CTTNBP2NL: variants seen among roughly 807,000 people sequenced by gnomAD.
CTTNBP2NL encodes the protein CTTNBP2 N-terminal like, also known as CTTNBP2 N-terminal-like protein.
A neutral mutation model predicts 32.5 loss-of-function variants in CTTNBP2NL; 16 were observed. The observed-to-expected ratio is 0.49, with a 90% CI of 0.33 to 0.75. The LOEUF is 0.75. Among genes scored for constraint, CTTNBP2NL ranks in the 30% least tolerant of loss-of-function variants. CTTNBP2NL has a pLI of 0.02. For missense variants in CTTNBP2NL, 645 were observed against 756.0 expected (o/e 0.85, Z 1.72); for synonymous variants, 298 against 289.4 (o/e 1.03, Z -0.30).
intron 1 of CTTNBP2NL, among the ~76,000 whole-genome samples, chr1:112,403,667 C>T (rs1648572563): frequency 6.6e-6 from 1 of 152,168 alleles, no homozygotes; most frequent in Non-Finnish European, 1.5e-5. Flanking sequence ...TGATTAAAAC[C>T]TGTTAAAATT....
chr1:112,443,763 G>A (rs1557895571), intron 3 of CTTNBP2NL, among the ~76,000 whole-genome samples: 1 of 152,118 alleles, frequency 6.6e-6, no homozygotes, highest in East Asian at 1.9e-4. Flanking sequence ...TCTTTTATTA[G>A]TATCAAACAT....
intron 4 of CTTNBP2NL, among the ~76,000 whole-genome samples, chr1:112,452,948 C>A (rs988950950): frequency 4.7e-5 from 7 of 149,616 alleles, no homozygotes; most frequent in Non-Finnish European, 8.8e-5. Flanking sequence ...CATGGCGACA[C>A]CCCATTTCTA....
chr1:112,411,453 A>G (rs1290080099), intron 1 of CTTNBP2NL, among the ~76,000 whole-genome samples: 2 of 152,206 alleles, frequency 1.3e-5, no homozygotes, highest in Non-Finnish European at 2.9e-5. Context: ...TGTGAAAAAT[A>G]TATACAGCTA....
chr1:112,448,888 C>G (rs1570743952), intron 3 of CTTNBP2NL, 54 bp from the exon 4 acceptor site: 1 of 997,072 alleles, frequency 1.0e-6, no homozygotes, highest in African/African-American at 1.6e-5. Flanking sequence ...AGCAAATCCC[C>G]CTTCCTCAGT....
At chr1:112,451,990 C>A (rs1650233109) in intron 4 of CTTNBP2NL, among the ~76,000 whole-genome samples, 1 of 152,050 alleles carries the variant, frequency 6.6e-6, no homozygotes, top group African/African-American at 2.4e-5. Context: ...AAAATTTTTT[C>A]TCTGCTAGAG....
Position 112,396,233 on chromosome 1 carries a change from T to TGGAGGCGGAGGGGAGC in CTTNBP2NL, c.-168_-153dup, listed in dbSNP as rs1553222274. ...AGCCTCAGCCGCTGTGGATGGGGAG[T>TGGAGGCGGAGGGGAGC]GGAGGCGGAGGGGAGCGGAGCCCGG... On this transcript the variant is annotated 5_prime_UTR_variant, in exon 1 of 6. An upstream open reading frame in the 5' UTR gains an earlier in-frame stop. Transcript: ENST00000271277. 6.6e-6 allele frequency: 1 copy of TGGAGGCGGAGGGGAGC among 151,722 alleles called. No homozygotes were observed. Among genetic ancestry groups the TGGAGGCGGAGGGGAGC allele is most frequent in the Non-Finnish European group, 1.5e-5 (1 of 68,026 alleles). The allele number at this position is 151,722 out of a possible 1,614,324, so 9.4% of individuals were successfully genotyped here.
rs1371912478 is a variant in CTTNBP2NL, at chr1:112,460,960, T to G, written c.*3548T>G. ...TGCTTCTGATGCTTAGTCCTTGAAA[T>G]GGAACTTCAACTGTCTTTCAAAACA... On this transcript the variant is annotated 3_prime_UTR_variant, in exon 6 of 6. Coordinates refer to ENST00000271277, the MANE Select transcript of CTTNBP2NL (RefSeq NM_018704.3). 1 of 152,138 alleles carries G rather than the reference T, an allele frequency of 6.6e-6. No individual in the cohort carries two copies. The highest frequency in any genetic ancestry group is 6.5e-5 in the Admixed American group (1 of 15,270). The allele number at this position is 152,138 out of a possible 1,614,324, so 9.4% of individuals were successfully genotyped here.
At chr1:112,397,085 CT>C (rs1648353171) in intron 1 of CTTNBP2NL, among the ~76,000 whole-genome samples, 1 of 152,188 alleles carries the variant, frequency 6.6e-6, no homozygotes, top group Non-Finnish European at 1.5e-5. Context: ...GAAAAGCCAT[CT>C]TATATTTCAC....
intron 3 of CTTNBP2NL, among the ~76,000 whole-genome samples, chr1:112,419,942 C>T (rs1452608412): frequency 1.3e-5 from 2 of 152,146 alleles, no homozygotes; most frequent in African/African-American, 2.4e-5. Context: ...CACATGAACA[C>T]ATGAACATAA....
chr1:112,416,433 G>A (rs950430407), intron 3 of CTTNBP2NL, 169 bp downstream of exon 3: 1 of 513,456 alleles, frequency 1.9e-6, no homozygotes, highest in Non-Finnish European at 3.4e-6. Context: ...AGGGACACTG[G>A]TGAAACCTTT....
intron 5 of CTTNBP2NL, among the ~76,000 whole-genome samples, chr1:112,455,513 G>A (rs1279269967): frequency 6.6e-6 from 1 of 152,132 alleles, no homozygotes; most frequent in Non-Finnish European, 1.5e-5. Context: ...CCAAAAAAAA[G>A]TATGATTCAA....
chr1:112,452,454 C>T (rs184532062), intron 4 of CTTNBP2NL, among the ~76,000 whole-genome samples: 1,621 of 149,278 alleles, frequency 0.011, 58 homozygotes, highest in African/African-American at 0.038. Flanking sequence ...AAGCGATTCT[C>T]CTGCCTCAGC....
rs1650425981 is a variant in CTTNBP2NL, at chr1:112,457,801, C to G, written c.*389C>G. 6.1e-6 allele frequency: 1 copy of G among 163,326 alleles called. No individual in the cohort carries two copies. Among genetic ancestry groups the G allele is most frequent in the African/African-American group, 2.4e-5 (1 of 41,820 alleles). The allele number at this position is 163,326 out of a possible 1,614,324, so 10.1% of individuals were successfully genotyped here. A position where few individuals can be genotyped will look rare whatever the true frequency, so the allele number is the denominator to read the frequency against. ...CCAGATGAACATGTTTTAAAAGTGCCTGAAATATGACTGCCATATGAATGT... is the reference window on the plus strand; with the variant it reads ...CCAGATGAACATGTTTTAAAAGTGCGTGAAATATGACTGCCATATGAATGT... On this transcript the variant is annotated 3_prime_UTR_variant, in exon 6 of 6. Transcript: ENST00000271277.
rs34842059 is a variant in CTTNBP2NL at position 112,452,645 on chromosome 1, C to CTTTTTTTTTTTTTTTTT, written c.331-1791_331-1790insTTTTTTTTTTTTTTTTT. 1.3e-3 allele frequency among the ~76,000 whole-genome samples: 168 copies of CTTTTTTTTTTTTTTTTT among 133,052 alleles called. 7 individuals carry two copies. The highest frequency in any genetic ancestry group is 4.8e-3 in the African/African-American group (153 of 32,176). The allele number at this position is 133,052 out of a possible 152,430, so 87.3% of individuals were successfully genotyped here. On this transcript the variant is annotated intron_variant, in intron 4 of 5. Transcript: ENST00000271277. ...AGGCATGAGCCACCACTCCTGGCCTCTTTTTTTTTTTTTGAGACAAAGTCT... is the reference window on the plus strand; with the variant it reads ...AGGCATGAGCCACCACTCCTGGCCTCTTTTTTTTTTTTTTTTTTTTTTTTTTTTTTGAGACAAAGTCT...
chr1:112,436,885 TATA>T (rs1649752174), intron 3 of CTTNBP2NL, among the ~76,000 whole-genome samples: 1 of 152,184 alleles, frequency 6.6e-6, no homozygotes, highest in African/African-American at 2.4e-5. Context: ...AGCTCCAGCT[TATA>T]AGTGAGAACG....
At chr1:112,398,425 A>G (rs543618951) in intron 1 of CTTNBP2NL, among the ~76,000 whole-genome samples, 4 of 152,112 alleles carry the variant, frequency 2.6e-5, no homozygotes, top group Non-Finnish European at 4.4e-5. Context: ...TCATCTTTAT[A>G]TCTTTCACAG....
Position 112,458,382 on chromosome 1 carries a change from G to C in CTTNBP2NL, c.*970G>C, listed in dbSNP as rs1219022977. The C allele has an allele frequency of 2.0e-5, 3 of 152,578 alleles. No individual in the cohort carries two copies. Among genetic ancestry groups the C allele is most frequent in the Non-Finnish European group, 4.4e-5 (3 of 68,036 alleles). The allele number at this position is 152,578 out of a possible 1,614,324, so 9.5% of individuals were successfully genotyped here. A position where few individuals can be genotyped will look rare whatever the true frequency, so the allele number is the denominator to read the frequency against. On this transcript the variant is annotated 3_prime_UTR_variant, in exon 6 of 6. Coordinates refer to ENST00000271277, the MANE Select transcript of CTTNBP2NL (RefSeq NM_018704.3). ...GTTACACTTATTCTCCAAGCTGCCA[G>C]AACCTGGTATCTGTATCTGTAAAAC...
chr1:112,393,963 T>A (rs1648244803), upstream of CTTNBP2NL, among the ~76,000 whole-genome samples: 1 of 151,952 alleles, frequency 6.6e-6, no homozygotes, highest in Non-Finnish European at 1.5e-5. Flanking sequence ...TCCCAGCCAC[T>A]TTGGGAGGCC....
chr1:112,395,905 A>T (rs113317037), upstream of CTTNBP2NL, among the ~76,000 whole-genome samples: 2,100 of 152,328 alleles, frequency 0.014, 49 homozygotes, highest in African/African-American at 0.048. Flanking sequence ...ACGAAGCACT[A>T]GTCACGGTCC....
Sources: allele counts gnomAD v4.1 joint callset (sites outside exome capture counted in the v4.1 genomes callset), GRCh38; gene constraint gnomAD v4.1.1; transcripts MANE v1.5; gene names NCBI Gene and HGNC (gene_info 2026-07-23, HGNC 2026-07-21).